The following RERGL variants were observed in gnomAD, a reference collection of about 807,000 sequenced individuals.
RERGL encodes the protein RERG like.
RERGL carries 22 observed loss-of-function variants against 24.7 expected under a neutral mutation model. The observed-to-expected ratio is 0.89, with a 90% CI of 0.64 to 1.27. RERGL has a LOEUF of 1.27. Among genes scored for constraint, RERGL ranks in the 50% most tolerant of loss-of-function variants. The probability of loss-of-function intolerance (pLI) is 0.00; values close to 1 mark genes in which losing one functional copy is unlikely to be tolerated. For synonymous variants in RERGL, 76 were observed against 82.6 expected (o/e 0.92, Z 0.43); for missense variants, 259 against 235.3 (o/e 1.10, Z -0.66).
chr12:18,088,928 T>A lies in RERGL; in HGVS notation c.81A>T (p.Arg27=). ...AATTAGAAGCATATTCTCCAATGAA[T>A]CGCTTAGTAAGAAACCTCACTGTAA... ...SALTVRFLTK[R]FIGEYASNFE... Residue 27 remains arginine, a synonymous_variant, in exon 2 of 5, where the codon CGA becomes CGT. Transcript: ENST00000538724. 1 of 1,610,392 alleles carries A rather than the reference T, an allele frequency of 6.2e-7. No homozygotes were observed. The highest frequency in any genetic ancestry group is 1.7e-5 in the Admixed American group (1 of 59,954).
At chr12:18,086,391 C>G (rs1003987602) in intron 2 of RERGL, among the ~76,000 whole-genome samples, 3 of 152,084 alleles carry the variant, frequency 2.0e-5, no homozygotes, top group Non-Finnish European at 4.4e-5. Flanking sequence ...ATTTTTTCCT[C>G]TTTACCATAC....
At chr12:18,086,214 AC>A (rs1947221242) in intron 2 of RERGL, among the ~76,000 whole-genome samples, 1 of 151,612 alleles carries the variant, frequency 6.6e-6, no homozygotes, top group African/African-American at 2.4e-5. Flanking sequence ...ATCTATATTC[AC>A]CTACATACCT....
chr12:18,089,481 C>T, intron 1 of RERGL: 2 of 731,522 alleles, frequency 2.7e-6, no homozygotes, highest in Non-Finnish European at 3.9e-6. Context: ...ATTCTTTAGG[C>T]TCAAGTGACC....
chr12:18,089,083 C>T, intron 1 of RERGL, 127 bp from the exon 2 acceptor site: 1 of 1,140,298 alleles, frequency 8.8e-7, no homozygotes, highest in African/African-American at 1.6e-5. Context: ...TAAAATTAGA[C>T]CAAATTCTGT....
At chr12:18,082,866 C>T (rs901699123) in intron 4 of RERGL, among the ~76,000 whole-genome samples, 2 of 152,044 alleles carry the variant, frequency 1.3e-5, no homozygotes, top group African/African-American at 4.8e-5. Flanking sequence ...GATAAAATGT[C>T]TCTGAAAATA....
At chr12:18,087,338 T>A (rs1434043139) in intron 2 of RERGL, among the ~76,000 whole-genome samples, 1 of 152,188 alleles carries the variant, frequency 6.6e-6, no homozygotes, top group African/African-American at 2.4e-5. Flanking sequence ...AGGAAATTTG[T>A]TACAGTTTCT....
In RERGL at chr12:18,084,508, A is replaced by C. The variant is rs781372212; in HGVS notation, c.332+9T>G. ...AAAAGAAAGGAGAAAGGAATGAAAA[A>C]TACCTTACCTTTTACAATGACTAGT... On this transcript the variant is annotated intron_variant, in intron 4 of 4. Coordinates refer to ENST00000538724, the MANE Select transcript of RERGL (RefSeq NM_001286201.2). The C allele has an allele frequency of 6.3e-7, 1 of 1,597,482 alleles. No homozygotes were observed. The highest frequency in any genetic ancestry group is 1.8e-5 in the Admixed American group (1 of 55,416).
intron 1 of RERGL, 117 bp from the exon 2 acceptor site, chr12:18,089,073 T>C: frequency 8.6e-7 from 1 of 1,163,082 alleles, no homozygotes; most frequent in Middle Eastern, 2.4e-4. Context: ...ATAAAGACTT[T>C]AAAATTAGAC....
intron 2 of RERGL, among the ~76,000 whole-genome samples, chr12:18,087,472 C>T (rs1947231301): frequency 6.6e-6 from 1 of 152,162 alleles, no homozygotes; most frequent in Admixed American, 6.6e-5. Context: ...CAAAAACTGC[C>T]AGCAAGTGTC....
intron 3 of RERGL, among the ~76,000 whole-genome samples, chr12:18,085,253 C>A (rs1947208575): frequency 6.6e-6 from 1 of 152,038 alleles, no homozygotes. Context: ...TTATTATGTT[C>A]TATTGACAAC....
At position 18,085,600 on chromosome 12, in the gene RERGL, AG is replaced by A. The variant is rs1947211481; in HGVS notation, c.183+19del. On this transcript the variant is annotated intron_variant, in intron 3 of 4. Transcript: ENST00000538724. ...CAATCAATAAATAAATCAATAAAAA[AG>A]GTGTTTTGTTTTACTTACTTGAGAA... The A allele has an allele frequency of 5.1e-6, 7 of 1,380,294 alleles. No homozygotes were observed. The highest frequency in any genetic ancestry group is 6.1e-6 in the Non-Finnish European group (6 of 982,186). The allele number at this position is 1,380,294 out of a possible 1,614,324, so 85.5% of individuals were successfully genotyped here. A position where few individuals can be genotyped will look rare whatever the true frequency, so the allele number is the denominator to read the frequency against.
intron 1 of RERGL, 177 bp from the exon 2 acceptor site, chr12:18,089,133 A>T (rs1947246493): frequency 8.3e-7 from 1 of 1,204,764 alleles, no homozygotes; most frequent in African/African-American, 1.5e-5. Context: ...GTACAAACAA[A>T]TGATTAGAAA....
chr12:18,081,074 C>T lies in RERGL; in HGVS notation c.*117G>A, dbSNP rs184596261. The T allele has an allele frequency of 6.4e-6, 6 of 941,558 alleles. No homozygotes were observed. Among genetic ancestry groups the T allele is most frequent in the Middle Eastern group, 3.4e-4 (1 of 2,960 alleles). The allele number at this position is 941,558 out of a possible 1,614,324, so 58.3% of individuals were successfully genotyped here. A position where few individuals can be genotyped will look rare whatever the true frequency, so the allele number is the denominator to read the frequency against. ...AGCTGTGGTTCATACTCAATCATTT[C>T]ATATCTCCAAGAGAATTCTTTTTAC... On this transcript the variant is annotated 3_prime_UTR_variant, in exon 5 of 5. Transcript: ENST00000538724.
rs182687974 is a variant in RERGL at position 18,089,272 on chromosome 12, G to C, written c.53-316C>G. On this transcript the variant is annotated intron_variant, in intron 1 of 4. Coordinates refer to ENST00000538724, the MANE Select transcript of RERGL (RefSeq NM_001286201.2). ...ATTTCTCATTATATTTGAGATGCAA[G>C]AAGTTTGACATCTGTTTATTTTCTC... 6.2e-7 allele frequency: 1 copy of C among 1,606,636 alleles called. No individual in the cohort carries two copies. Among genetic ancestry groups the C allele is most frequent in the Non-Finnish European group, 8.5e-7 (1 of 1,176,904 alleles).
chr12:18,088,897 TA>T lies in RERGL; in HGVS notation c.109+2del. 1 of 1,589,448 alleles carries T rather than the reference TA, an allele frequency of 6.3e-7. No individual in the cohort carries two copies. Among genetic ancestry groups the T allele is most frequent in the Non-Finnish European group, 8.6e-7 (1 of 1,157,894 alleles). On this transcript the variant is annotated splice_donor_variant, in intron 2 of 4. Transcript: ENST00000538724. LOFTEE classifies it high-confidence loss of function. ...GGTAAAAATGTCTAGAGTAGTGACTTACCAAAATTAGAAGCATATTCTCCAA... is the reference window on the plus strand; with the variant it reads ...GGTAAAAATGTCTAGAGTAGTGACTTCCAAAATTAGAAGCATATTCTCCAA...
intron 4 of RERGL, among the ~76,000 whole-genome samples, chr12:18,083,136 T>C (rs979650310): frequency 1.3e-5 from 2 of 152,046 alleles, no homozygotes; most frequent in African/African-American, 4.8e-5. Context: ...TATAAAATTA[T>C]TGAAAAGGGT....
intron 4 of RERGL, 100 bp downstream of exon 4, chr12:18,084,417 T>C: frequency 8.5e-7 from 1 of 1,172,360 alleles, no homozygotes; most frequent in Non-Finnish European, 1.2e-6. Context: ...GGCTGTTAAA[T>C]TTTGTAATTG....
chr12:18,081,619 T>G (rs1426422178), intron 4 of RERGL, 146 bp from the exon 5 acceptor site: 3 of 702,190 alleles, frequency 4.3e-6, no homozygotes, highest in Non-Finnish European at 6.8e-6. Flanking sequence ...CATGTGTGTA[T>G]ACAGTTACAC....
At chr12:18,089,409 A>G (rs1217566166) in intron 1 of RERGL, 2 of 1,341,570 alleles carry the variant, frequency 1.5e-6, no homozygotes, top group African/African-American at 1.5e-5. Flanking sequence ...AAATAGAAAA[A>G]GAACCTCTGG....
Sources: gnomAD v4.1 joint callset for allele counts (sites outside exome capture counted in the v4.1 genomes callset) on GRCh38, gnomAD v4.1.1 for gene constraint, MANE v1.5 for transcripts, NCBI Gene and HGNC (gene_info 2026-07-23, HGNC 2026-07-21) for gene names.